Variants in PTTG1IP2 observed in about 807,000 individuals in gnomAD.
PTTG1IP2 encodes PTTG1IP family member 2.
intron 6 of PTTG1IP2, among the ~76,000 whole-genome samples, chr7:90,510,634 A>T (rs1798178650): frequency 6.6e-6 from 1 of 152,200 alleles, no homozygotes; most frequent in Non-Finnish European, 1.5e-5. Flanking sequence ...AATTGAAGGT[A>T]ATTGCTTCTT....
At chr7:90,470,434 C>T (rs1797670170) in intron 1 of PTTG1IP2, 2 of 152,038 alleles carry the variant, frequency 1.3e-5, no homozygotes, top group South Asian at 4.1e-4. Flanking sequence ...ATTCATGAAC[C>T]TGGAAATAAG....
intron 2 of PTTG1IP2, among the ~76,000 whole-genome samples, chr7:90,486,496 G>A (rs1007515385): frequency 9.1e-5 from 10 of 110,280 alleles, no homozygotes; most frequent in African/African-American, 3.2e-4. Flanking sequence ...GCTTTTCCAA[G>A]TTCTTCTGGT....
At chr7:90,504,405 A>C (rs1798101297) in intron 6 of PTTG1IP2, among the ~76,000 whole-genome samples, 1 of 152,214 alleles carries the variant, frequency 6.6e-6, no homozygotes, top group African/African-American at 2.4e-5. Context: ...TAGAACAGTA[A>C]GAGATAAGTT....
At chr7:90,497,774 T>C (rs1251570814) in intron 6 of PTTG1IP2, among the ~76,000 whole-genome samples, 8 of 137,560 alleles carry the variant, frequency 5.8e-5, no homozygotes, top group Non-Finnish European at 1.2e-4. Context: ...CCGAAGTATA[T>C]GTATTCTGTT....
intron 1 of PTTG1IP2, among the ~76,000 whole-genome samples, chr7:90,471,039 A>T (rs1436077564): frequency 6.6e-6 from 1 of 152,182 alleles, no homozygotes; most frequent in Non-Finnish European, 1.5e-5. Context: ...TAATCTCCAA[A>T]GATGGAAGTT....
At chr7:90,481,332 C>T (rs1584692480) in intron 2 of PTTG1IP2, among the ~76,000 whole-genome samples, 1 of 152,012 alleles carries the variant, frequency 6.6e-6, no homozygotes, top group African/African-American at 2.4e-5. Context: ...TCTGATTGGT[C>T]CTTTGGTTTA....
intron 6 of PTTG1IP2, among the ~76,000 whole-genome samples, chr7:90,509,767 G>C (rs893827645): frequency 3.9e-5 from 6 of 152,164 alleles, no homozygotes; most frequent in African/African-American, 1.2e-4. Context: ...GACTCACAGG[G>C]CAAGTGGGCT....
intron 6 of PTTG1IP2, among the ~76,000 whole-genome samples, chr7:90,509,709 TAA>T (rs1452905507): frequency 6.6e-6 from 1 of 151,992 alleles, no homozygotes; most frequent in Non-Finnish European, 1.5e-5. Context: ...AGCCTTAATA[TAA>T]AGTGTGGATA....
chr7:90,496,740 G>A (rs1469864331), intron 6 of PTTG1IP2, among the ~76,000 whole-genome samples: 1 of 151,224 alleles, frequency 6.6e-6, no homozygotes, highest in Non-Finnish European at 1.5e-5. Context: ...ATTACCTTTG[G>A]GCATAGTTTG....
intron 1 of PTTG1IP2, among the ~76,000 whole-genome samples, chr7:90,475,428 A>T (rs746632034): frequency 6.6e-6 from 1 of 152,238 alleles, no homozygotes; most frequent in African/African-American, 2.4e-5. Flanking sequence ...ACAAGAACAG[A>T]CTATTCTGGA....
intron 6 of PTTG1IP2, among the ~76,000 whole-genome samples, chr7:90,508,515 A>G (rs1403768001): frequency 6.6e-6 from 1 of 152,166 alleles, no homozygotes; most frequent in Non-Finnish European, 1.5e-5. Context: ...AATAAACAGT[A>G]GACATGAAGG....
chr7:90,512,166 A>T (rs1305900811), intron 6 of PTTG1IP2, among the ~76,000 whole-genome samples: 1 of 152,226 alleles, frequency 6.6e-6, no homozygotes, highest in Non-Finnish European at 1.5e-5. Flanking sequence ...ATAAACATTT[A>T]TTGAGCTTTT....
At chr7:90,488,693 G>A (rs1406030940) in intron 3 of PTTG1IP2, among the ~76,000 whole-genome samples, 178 bp from the exon 4 acceptor site, 1 of 151,954 alleles carries the variant, frequency 6.6e-6, no homozygotes, top group African/African-American at 2.4e-5. Context: ...ATTTTTAAAT[G>A]TTAGTGATTG....
intron 6 of PTTG1IP2, among the ~76,000 whole-genome samples, chr7:90,510,725 A>C (rs1203859712): frequency 1.3e-5 from 2 of 152,246 alleles, no homozygotes; most frequent in Admixed American, 1.3e-4. Flanking sequence ...GGCAATGTAA[A>C]AAAGCAAATG....
At chr7:90,506,764 C>T (rs1798128742) in intron 6 of PTTG1IP2, among the ~76,000 whole-genome samples, 1 of 152,062 alleles carries the variant, frequency 6.6e-6, no homozygotes. Context: ...AAGACCCTGT[C>T]TCAAAAAAAG....
At chr7:90,503,311 A>C (rs1798083096) in intron 6 of PTTG1IP2, among the ~76,000 whole-genome samples, 1 of 152,158 alleles carries the variant, frequency 6.6e-6, no homozygotes, top group African/African-American at 2.4e-5. Flanking sequence ...TCCCATCCAG[A>C]CTACTAAAAT....
At chr7:90,495,875 T>C (rs1435281991) in intron 6 of PTTG1IP2, among the ~76,000 whole-genome samples, 1 of 152,192 alleles carries the variant, frequency 6.6e-6, no homozygotes, top group Non-Finnish European at 1.5e-5. Context: ...AAGGGAAATG[T>C]GCACATTTAT....
At chr7:90,500,021 C>T (rs1476437669) in intron 6 of PTTG1IP2, among the ~76,000 whole-genome samples, 1 of 152,022 alleles carries the variant, frequency 6.6e-6, no homozygotes, top group Non-Finnish European at 1.5e-5. Flanking sequence ...CAAGACTAGC[C>T]TGGGCAACAT....
intron 6 of PTTG1IP2, among the ~76,000 whole-genome samples, chr7:90,505,800 A>C (rs947569580): frequency 6.6e-6 from 1 of 151,560 alleles, no homozygotes; most frequent in Non-Finnish European, 1.5e-5. Flanking sequence ...CTGGCTAACA[A>C]GGTGAAACCC....
Sources: gnomAD v4.1 joint callset for allele counts (sites outside exome capture counted in the v4.1 genomes callset) on GRCh38, gnomAD v4.1.1 for gene constraint, MANE v1.5 for transcripts, NCBI Gene and HGNC (gene_info 2026-07-23, HGNC 2026-07-21) for gene names.